CCDC57: variants seen among roughly 807,000 people sequenced by gnomAD.
CCDC57 encodes the protein coiled-coil domain containing 57, also known as coiled-coil domain-containing protein 57.
A neutral mutation model predicts 118.9 loss-of-function variants in CCDC57; 118 were observed. The observed-to-expected ratio is 0.99, with a 90% confidence interval of 0.86 to 1.16. The LOEUF is 1.16. CCDC57 is among the 50% of genes most tolerant of loss of function. CCDC57 has a pLI of 0.00. For missense variants in CCDC57, 1,300 were observed against 1,320.7 expected, an observed-to-expected ratio of 0.98 and a Z score of 0.24; for synonymous variants, 527 against 532.9, an observed-to-expected ratio of 0.99 and a Z score of 0.15.
chr17:82,119,238 A>G, intron 19 of CCDC57, among the ~76,000 whole-genome samples: 1 of 152,066 alleles, frequency 6.6e-6, no homozygotes, highest in Admixed American at 6.6e-5. Context: ...CCATCCAGGA[A>G]GTGTCATTTT....
intron 15 of CCDC57, 162 bp downstream of exon 14, chr17:82,157,586 G>T: frequency 7.0e-7 from 1 of 1,436,018 alleles, no homozygotes; most frequent in South Asian, 1.5e-5. Flanking sequence ...AATGGGGAGA[G>T]GGGGTGGAGC....
upstream of CCDC57, chr17:82,212,833 C>G (rs895394340): frequency 1.8e-4 from 28 of 152,034 alleles, no homozygotes; most frequent in African/African-American, 6.8e-4. This position sits in a 1 kb window ranked among gnomAD's most constrained non-coding sequence, Gnocchi z 4.1. Flanking sequence ...GTTGCCACAG[C>G]GACCGGGTCA....
chr17:82,152,665 G>A (rs751320356), intron 15 of CCDC57, among the ~76,000 whole-genome samples: 10 of 152,224 alleles, frequency 6.6e-5, no homozygotes, highest in Non-Finnish European at 1.5e-4. Context: ...TACTTCTCCC[G>A]TGCCACTCCT....
chr17:82,178,035 G>A (rs920938841), intron 11 of CCDC57, among the ~76,000 whole-genome samples: 5 of 152,162 alleles, frequency 3.3e-5, no homozygotes, highest in African/African-American at 1.2e-4. Context: ...CGGACATGGT[G>A]CCAACCTCCA....
chr17:82,163,630 T>C (rs1337697523), intron 13 of CCDC57, among the ~76,000 whole-genome samples: 1 of 152,086 alleles, frequency 6.6e-6, no homozygotes, highest in African/African-American at 2.4e-5. Context: ...TAGAGACCAA[T>C]TGCTCCAGTC....
intron 9 of CCDC57, 33 bp from the exon 9 acceptor site, chr17:82,179,222 C>G: frequency 6.3e-7 from 1 of 1,591,722 alleles, no homozygotes; most frequent in Non-Finnish European, 8.6e-7. Flanking sequence ...AGCATTAATG[C>G]TTCCTGAGGT....
chr17:82,206,564 G>A (rs563610916), intron 2 of CCDC57, among the ~76,000 whole-genome samples: 1 of 152,234 alleles, frequency 6.6e-6, no homozygotes, highest in East Asian at 1.9e-4. Context: ...GTGGGGTGTG[G>A]GGGGGTCCTC....
At chr17:82,191,613 G>A (rs928366608) in intron 7 of CCDC57, among the ~76,000 whole-genome samples, 1 of 152,108 alleles carries the variant, frequency 6.6e-6, no homozygotes, top group Non-Finnish European at 1.5e-5. Context: ...TGAAGATGAT[G>A]AGGATGAAGA....
intron 13 of CCDC57, among the ~76,000 whole-genome samples, chr17:82,170,796 A>G (rs867342642): frequency 1.1e-4 from 17 of 152,202 alleles, no homozygotes; most frequent in Non-Finnish European, 2.2e-4. Flanking sequence ...AGAGATGTTC[A>G]ATCCCACGAA....
Position 82,193,796 on chromosome 17 carries a change from G to A in CCDC57, c.811C>T (p.Gln271Ter). Residue 271 changes from glutamine to a stop codon, truncating the protein, a stop_gained, in exon 7 of 20, where the codon CAG becomes TAG. Transcript: ENST00000665763. LOFTEE classifies it high-confidence loss of function. ...TCCTCTTCCTTCTTCCTGGTTAGCT[G>A]CACAGAGTGAAGTTTATCCTCTAAA... 1.9e-6 allele frequency: 3 copies of A among 1,601,102 alleles called. No individual in the cohort carries two copies. The highest frequency in any genetic ancestry group is 2.6e-6 in the Non-Finnish European group (3 of 1,173,214).
intron 16 of CCDC57, among the ~76,000 whole-genome samples, chr17:82,147,986 A>G (rs1246368149): frequency 4.1e-5 from 2 of 48,242 alleles, no homozygotes; most frequent in South Asian, 1.3e-3. Context: ...TGAATGGATG[A>G]ATGGGTGGGT....
At position 82,128,610 on chromosome 17, in the gene CCDC57, T is replaced by C; in HGVS notation, c.2578-13A>G. 1 of 1,550,912 alleles carries C rather than the reference T, an allele frequency of 6.4e-7. No individual in the cohort carries two copies. Among genetic ancestry groups the C allele is most frequent in the Non-Finnish European group, 8.7e-7 (1 of 1,145,420 alleles). On this transcript the variant is annotated splice_polypyrimidine_tract_variant and intron_variant, in intron 17 of 19. Transcript: ENST00000665763. The stretch of plus-strand genomic sequence containing the variant: ...CACTCTTGGCGTCCTGCCGTGGGGA[T>C]TTAAATGAGAGGACTCTGGTATTCA...
At chr17:82,151,584 G>A (rs752302408) in exon 16 of CCDC57, 57 of 1,550,198 alleles carry the variant, frequency 3.7e-5, no homozygotes, top group South Asian at 9.5e-5. Context: ...AGCTCTGCAC[G>A]GAGCCTGTTC....
intron 16 of CCDC57, among the ~76,000 whole-genome samples, chr17:82,139,823 T>C (rs2039775297): frequency 6.6e-6 from 1 of 152,108 alleles, no homozygotes; most frequent in Non-Finnish European, 1.5e-5. Context: ...CAGGACTCAG[T>C]CTCTAGTCGA....
In CCDC57 at chr17:82,101,546, T is replaced by G. The variant is rs769563919; in HGVS notation, c.*136A>C. 4.0e-6 allele frequency: 3 copies of G among 742,892 alleles called. No homozygotes were observed. The Admixed American group carries it at 8.3e-5, about 21-fold the overall frequency. The allele number at this position is 742,892 out of a possible 1,614,324, so 46.0% of individuals were successfully genotyped here. A position where few individuals can be genotyped will look rare whatever the true frequency, so the allele number is the denominator to read the frequency against. Reference sequence around the variant, plus strand: ...GTCAGCAGGGTCGCCTCAGCAGCATTTGGGAGCCTGCCCTGCAGCTCCCTG... The same window carrying G: ...GTCAGCAGGGTCGCCTCAGCAGCATGTGGGAGCCTGCCCTGCAGCTCCCTG... On this transcript the variant is annotated 3_prime_UTR_variant, in exon 20 of 20. Coordinates refer to ENST00000665763, the Ensembl canonical transcript of CCDC57.
chr17:82,172,208 G>A lies in CCDC57; in HGVS notation c.1730-355C>T, dbSNP rs1386190557. 6.6e-6 allele frequency among the ~76,000 whole-genome samples: 1 copy of A among 152,192 alleles called. No homozygotes were observed. Among genetic ancestry groups the A allele is most frequent in the African/African-American group, 2.4e-5 (1 of 41,432 alleles). On this transcript the variant is annotated intron_variant, in intron 12 of 19. Coordinates refer to ENST00000665763, the Ensembl canonical transcript of CCDC57. The surrounding 1 kb of genome is among the most constrained non-coding windows in gnomAD (Gnocchi z 5.2). Reference sequence around the variant, plus strand: ...GAACGGAAGCTCTGCCTCCATCCCGGCATCTGCCCACCCACAGCCACTCAT... The same window carrying A: ...GAACGGAAGCTCTGCCTCCATCCCGACATCTGCCCACCCACAGCCACTCAT...
At chr17:82,111,322 C>T (rs1000728096) in intron 19 of CCDC57, among the ~76,000 whole-genome samples, 7 of 856 alleles carry the variant, frequency 8.2e-3, no homozygotes, top group Admixed American at 0.07. Context: ...AGGATGGTCT[C>T]GATCTCCTGA....
At position 82,118,265 on chromosome 17, in the gene CCDC57, GGAGGGAGTAAGAGAA is replaced by G. The variant is rs1466109783; in HGVS notation, c.2899+9412_2899+9426del. Among the ~76,000 whole-genome samples, 2 of 152,184 alleles carry G rather than the reference GGAGGGAGTAAGAGAA, an allele frequency of 1.3e-5. No homozygotes were observed. Among genetic ancestry groups the G allele is most frequent in the African/African-American group, 4.8e-5 (2 of 41,434 alleles). ...GTTGTGGCCTGGTGGGTAGGGACTG[GGAGGGAGTAAGAGAA>G]GAGGGAGAAGGAACACAGTCCACTG... On this transcript the variant is annotated intron_variant, in intron 19 of 19. Transcript: ENST00000665763. The surrounding 1 kb of genome is among the most constrained non-coding windows in gnomAD (Gnocchi z 4.7).
At chr17:82,139,081 C>A (rs569270092) in intron 16 of CCDC57, among the ~76,000 whole-genome samples, 1 of 152,218 alleles carries the variant, frequency 6.6e-6, no homozygotes, top group Non-Finnish European at 1.5e-5. Context: ...CAGCTTCACA[C>A]TTATCTGTAA....
Sources: gnomAD v4.1 joint callset for allele counts (sites outside exome capture counted in the v4.1 genomes callset) on GRCh38, gnomAD v4.1.1 for gene constraint, Gnocchi (gnomAD v3.1) non-coding constraint, MANE v1.5 for transcripts, NCBI Gene and HGNC (gene_info 2026-07-23, HGNC 2026-07-21) for gene names.